Variants in PPEF2 observed in about 807,000 individuals in gnomAD.
PPEF2 encodes the protein serine/threonine-protein phosphatase with EF-hands 2.
In PPEF2, 84 loss-of-function variants were observed where a neutral mutation model predicts 84.7. The observed-to-expected ratio is 0.99, with a 90% CI of 0.83 to 1.19. PPEF2 has a LOEUF of 1.19. Ranked by LOEUF, PPEF2 falls within the 50% of genes most tolerant of loss-of-function variation. The probability of loss-of-function intolerance (pLI) is 0.00; values close to 1 mark genes in which losing one functional copy is unlikely to be tolerated. For synonymous variants in PPEF2, 346 were observed against 345.2 expected (o/e 1.00, Z -0.03); for missense variants, 924 against 937.5 (o/e 0.99, Z 0.19).
chr4:75,884,848 T>C (rs746410278), intron 7 of PPEF2, 88 bp from the exon 8 acceptor site: 196 of 1,167,134 alleles, frequency 1.7e-4, no homozygotes, highest in Non-Finnish European at 2.3e-4. Context: ...GACAATCACA[T>C]CATGTCTAAC....
chr4:75,901,606 A>G (rs950521260), intron 1 of PPEF2, among the ~76,000 whole-genome samples: 16 of 152,254 alleles, frequency 1.1e-4, no homozygotes, highest in African/African-American at 3.8e-4. Context: ...TCATAAGGTC[A>G]GCCACAGAAA....
At chr4:75,891,092 A>G (rs1369669032) in intron 4 of PPEF2, among the ~76,000 whole-genome samples, 1 of 151,982 alleles carries the variant, frequency 6.6e-6, no homozygotes, top group Non-Finnish European at 1.5e-5. Context: ...TCTGAGGTTC[A>G]ATCACTTGAA....
chr4:75,898,607 T>C (rs1266504668), intron 1 of PPEF2, among the ~76,000 whole-genome samples: 1 of 152,214 alleles, frequency 6.6e-6, no homozygotes, highest in Non-Finnish European at 1.5e-5. Context: ...GACTGTGAGT[T>C]CCTTCAGAGA....
chr4:75,888,481 T>G, intron 5 of PPEF2, 153 bp from the exon 6 acceptor site: 2 of 579,828 alleles, frequency 3.4e-6, no homozygotes, highest in South Asian at 4.4e-5. Flanking sequence ...GATTCTTTCT[T>G]TATCACTCAA....
chr4:75,866,173 A>G lies in PPEF2; in HGVS notation c.1920+16T>C, dbSNP rs1002027506. 1.2e-6 allele frequency: 2 copies of G among 1,601,348 alleles called. No individual in the cohort carries two copies. Among genetic ancestry groups the G allele is most frequent in the Admixed American group, 1.7e-5 (1 of 59,290 alleles). On this transcript the variant is annotated intron_variant, in intron 15 of 16. Coordinates refer to ENST00000286719, the MANE Select transcript of PPEF2 (RefSeq NM_006239.3). ...TAGTCCACATGTGCTCTCATCCACC[A>G]TTACCACACCGTTACCTCGCGACTC... is the stretch of plus-strand genomic sequence containing the variant.
rs932371808 is a variant in PPEF2 at position 75,871,905 on chromosome 4, A to T, written c.1649+120T>A. The T allele has an allele frequency of 2.6e-6, 3 of 1,135,866 alleles. No individual in the cohort carries two copies. In the Admixed American group the frequency reaches 8.0e-5, roughly 30 times the overall value. The allele number at this position is 1,135,866 out of a possible 1,614,324, so 70.4% of individuals were successfully genotyped here. A position where few individuals can be genotyped will look rare whatever the true frequency, so the allele number is the denominator to read the frequency against. The stretch of plus-strand genomic sequence containing the variant: ...TGTATTAATAGAACTTCATGCTGAC[A>T]TAGCCAAATTCTGAATTCTCACGTA... On this transcript the variant is annotated intron_variant, in intron 13 of 16. Transcript: ENST00000286719.
At position 75,860,845 on chromosome 4, in the gene PPEF2, T is replaced by C. The variant is rs1723982345; in HGVS notation, c.2084A>G (p.Asp695Gly). 3 of 1,614,164 alleles carry C rather than the reference T, an allele frequency of 1.9e-6. No individual in the cohort carries two copies. The highest frequency in any genetic ancestry group is 2.5e-6 in the Non-Finnish European group (3 of 1,179,952). The stretch of plus-strand genomic sequence containing the variant: ...GCTCCGAGCAAGGTCACAGATGCAG[T>C]CATCTGTAATGTCGATATTCATGTG... ...SSHMNIDITDDCICDLARSID... is the reference protein window; with the variant it reads ...SSHMNIDITDGCICDLARSID... The change falls in exon 17 of 17, where the codon GAC (aspartate) becomes GGC (glycine). Residue 695 changes from aspartate to glycine, a missense_variant. Coordinates refer to ENST00000286719, the MANE Select transcript of PPEF2 (RefSeq NM_006239.3).
At chr4:75,865,572 G>T (rs1386977063) in intron 15 of PPEF2, among the ~76,000 whole-genome samples, 1 of 151,996 alleles carries the variant, frequency 6.6e-6, no homozygotes. Context: ...TTTTAGAAGA[G>T]ACGGGGTTTC....
At chr4:75,885,974 A>C (rs952968702) in intron 7 of PPEF2, among the ~76,000 whole-genome samples, 1 of 151,382 alleles carries the variant, frequency 6.6e-6, no homozygotes, top group Non-Finnish European at 1.5e-5. Context: ...GTGCCATTGC[A>C]TTCCAGCCTC....
rs1242645921 is a variant in PPEF2, at chr4:75,896,378, T to C, written c.-53A>G. The stretch of plus-strand genomic sequence containing the variant: ...GCAGCAGATCCAGAGGACAGTGAGC[T>C]GTTTGCTGACAAAATGAAGAGAGAA... On this transcript the variant is annotated 5_prime_UTR_variant, in exon 2 of 17. Coordinates refer to ENST00000286719, the MANE Select transcript of PPEF2 (RefSeq NM_006239.3). 8 of 1,583,008 alleles carry C rather than the reference T, an allele frequency of 5.1e-6. No homozygotes were observed. The highest frequency in any genetic ancestry group is 5.0e-5 in the Admixed American group (3 of 59,970).
At chr4:75,868,942 G>A (rs986543317) in intron 13 of PPEF2, among the ~76,000 whole-genome samples, 10 of 152,116 alleles carry the variant, frequency 6.6e-5, no homozygotes, top group African/African-American at 1.7e-4. Flanking sequence ...CCAGGAGTTC[G>A]AGGTTACAGT....
chr4:75,866,179 A>G lies in PPEF2; in HGVS notation c.1920+10T>C, dbSNP rs1724124695. On this transcript the variant is annotated intron_variant, in intron 15 of 16. Coordinates refer to ENST00000286719, the MANE Select transcript of PPEF2 (RefSeq NM_006239.3). ...ACATGTGCTCTCATCCACCATTACC[A>G]CACCGTTACCTCGCGACTCAGTTGT... is the stretch of plus-strand genomic sequence containing the variant. 1 of 1,605,372 alleles carries G rather than the reference A, an allele frequency of 6.2e-7. No individual in the cohort carries two copies. Among genetic ancestry groups the G allele is most frequent in the Non-Finnish European group, 8.5e-7 (1 of 1,174,990 alleles).
Position 75,888,253 on chromosome 4 carries a change from G to A in PPEF2, c.493C>T (p.Arg165Trp), listed in dbSNP as rs576752478. The A allele has an allele frequency of 1.1e-5, 17 of 1,613,848 alleles. No homozygotes were observed. The highest frequency in any genetic ancestry group is 1.7e-5 in the Admixed American group (1 of 59,988). Residue 165 changes from arginine (R) to tryptophan (W), a missense_variant, in exon 6 of 17, where the codon CGG becomes TGG. Transcript: ENST00000286719. ...KHLVQLPNIN[R>W]VSTCYSEEIT... ...TCCTCACTGTAACAGGTTGAGACCC[G>A]GTTGATGTTTGGCAGCTGTACCAGA...
At chr4:75,883,306 A>G in intron 8 of PPEF2, 104 bp from the exon 9 acceptor site, 1 of 1,038,844 alleles carries the variant, frequency 9.6e-7, no homozygotes, top group Non-Finnish European at 1.5e-6. Context: ...ATGTACTTAA[A>G]TACATAGAAA....
chr4:75,872,960 A>G (rs1724319551), intron 12 of PPEF2, among the ~76,000 whole-genome samples, 167 bp downstream of exon 12: 1 of 152,230 alleles, frequency 6.6e-6, no homozygotes, highest in South Asian at 2.1e-4. Context: ...AGGACATAAG[A>G]GTCAAGGATA....
chr4:75,897,541 C>T (rs1472759722), intron 1 of PPEF2, among the ~76,000 whole-genome samples: 5 of 152,132 alleles, frequency 3.3e-5, no homozygotes, highest in Non-Finnish European at 7.3e-5. Flanking sequence ...AATCCCAGCA[C>T]TTTGGGAGGC....
intron 12 of PPEF2, 137 bp downstream of exon 12, chr4:75,872,990 G>A (rs532761921): frequency 4.4e-4 from 351 of 790,372 alleles, no homozygotes; most frequent in Non-Finnish European, 3.1e-4. Context: ...AAAGGACCTA[G>A]TTGCTTTGAG....
At chr4:75,871,910 C>T (rs1053194025) in intron 13 of PPEF2, 115 bp downstream of exon 13, 1 of 1,210,462 alleles carries the variant, frequency 8.3e-7, no homozygotes, top group Non-Finnish European at 1.1e-6. Context: ...CTGACATAGC[C>T]AAATTCTGAA....
rs746574893 is a variant in PPEF2, at chr4:75,896,252, G to C, written c.55+19C>G. 1 of 1,612,508 alleles carries C rather than the reference G, an allele frequency of 6.2e-7. No individual in the cohort carries two copies. The highest frequency in any genetic ancestry group is 8.5e-7 in the Non-Finnish European group (1 of 1,178,566). On this transcript the variant is annotated intron_variant, in intron 2 of 16. Transcript: ENST00000286719. ...CTTTGTGGTACCCACAGCTGGTTTG[G>C]AAAGTGGGAAACACGTACCTCTCTC...
Sources: gnomAD v4.1 joint callset for allele counts (sites outside exome capture counted in the v4.1 genomes callset) on GRCh38, gnomAD v4.1.1 for gene constraint, MANE v1.5 for transcripts, NCBI Gene and HGNC (gene_info 2026-07-23, HGNC 2026-07-21) for gene names.